DST: variants seen among roughly 807,000 people sequenced by gnomAD.
DST encodes the protein dystonin.
Under a neutral mutation model 875.2 loss-of-function variants are expected in DST, and 253 were observed. The ratio of observed to expected loss-of-function variants is 0.29; its 90% CI spans 0.26 to 0.32. The LOEUF (loss-of-function observed/expected upper bound fraction) is 0.32. Ranked by LOEUF, DST falls within the 10% of genes least tolerant of loss-of-function variation. The probability of loss-of-function intolerance (pLI) is 1.00; values close to 1 mark genes in which losing one functional copy is unlikely to be tolerated. For missense variants in DST, 8,287 were observed against 9,111.6 expected (o/e 0.91, Z 3.68); for synonymous variants, 3,124 against 3,197.1 (o/e 0.98, Z 0.77).
intron 10 of DST, among the ~76,000 whole-genome samples, chr6:56,668,667 C>A (rs1333513154): frequency 6.6e-6 from 1 of 151,990 alleles, no homozygotes; most frequent in Non-Finnish European, 1.5e-5. Flanking sequence ...ACTTGAGAGG[C>A]TGAGGCAGGA....
intron 4 of DST, among the ~76,000 whole-genome samples, chr6:56,760,252 T>C (rs975149938): frequency 5.9e-5 from 9 of 152,220 alleles, no homozygotes; most frequent in African/African-American, 1.9e-4. Context: ...GATTAAGCCA[T>C]GTTTTGGGGT....
intron 44 of DST, 55 bp from the exon 45 acceptor site, chr6:56,600,276 A>T: frequency 6.6e-7 from 1 of 1,519,450 alleles, no homozygotes; most frequent in Non-Finnish European, 9.0e-7. Flanking sequence ...CAAAATCGCT[A>T]TTGTGATAGC....
intron 10 of DST, among the ~76,000 whole-genome samples, chr6:56,670,135 T>TGC (rs1233353332): frequency 2.1e-5 from 1 of 48,492 alleles, no homozygotes; most frequent in African/African-American, 5.1e-5. Flanking sequence ...CGCCCGTGCG[T>TGC]GTGTGTGTGT....
intron 66 of DST, among the ~76,000 whole-genome samples, 187 bp from the exon 67 acceptor site, chr6:56,529,112 A>G (rs568342466): frequency 9.5e-4 from 145 of 152,348 alleles, no homozygotes; most frequent in Non-Finnish European, 1.9e-3. Flanking sequence ...CCCATGTCCC[A>G]TGTTCATCTA....
At position 56,474,151 on chromosome 6, in the gene DST, C is replaced by G. The variant is rs2095047952; in HGVS notation, c.21865-149G>C. 4 of 688,238 alleles carry G rather than the reference C, an allele frequency of 5.8e-6. No homozygotes were observed. In the South Asian group the frequency reaches 8.2e-5, roughly 14 times the overall value. 42.6% of individuals were successfully genotyped at this position (688,238 alleles called of 1,614,324 possible). ...GCTTTATCTTTAGGGTAAAAAAAAT[C>G]TAAACCATCATACTGCAGGCATTTA... is the stretch of plus-strand genomic sequence containing the variant. On this transcript the variant is annotated intron_variant, in intron 92 of 103. Transcript: ENST00000680361.
chr6:56,843,505 G>A, intron 4 of DST: 1 of 986,440 alleles, frequency 1.0e-6, no homozygotes, highest in African/African-American at 1.7e-5. Context: ...GGGGGCCGGC[G>A]GGCGCCCGGA....
intron 49 of DST, among the ~76,000 whole-genome samples, chr6:56,581,052 A>T (rs906231127): frequency 7.1e-3 from 126 of 17,764 alleles, no homozygotes; most frequent in African/African-American, 0.016. Context: ...GGCATTTATT[A>T]AAAAAAAAAA....
Position 56,780,688 on chromosome 6 carries a change from C to G in DST, c.626-45399G>C, listed in dbSNP as rs555471488. Among the ~76,000 whole-genome samples, 8 of 151,334 alleles carry G rather than the reference C, an allele frequency of 5.3e-5. No homozygotes were observed. In the South Asian group the frequency reaches 1.5e-3, roughly 28 times the overall value. ...CCATTTTGTAGGTTGCCTGTTCACT[C>G]TGATGGTAGTTTCTTTTGCTGTGCA... On this transcript the variant is annotated intron_variant, in intron 4 of 103. Transcript: ENST00000680361.
intron 5 of DST, among the ~76,000 whole-genome samples, chr6:56,731,450 A>T (rs2099498061): frequency 6.6e-6 from 1 of 152,198 alleles, no homozygotes; most frequent in Non-Finnish European, 1.5e-5. Flanking sequence ...TTTGTTAAAT[A>T]CTGATATTGT....
intron 60 of DST, among the ~76,000 whole-genome samples, chr6:56,555,049 A>G (rs1181739192): frequency 1.3e-5 from 2 of 152,242 alleles, no homozygotes; most frequent in Admixed American, 1.3e-4. Context: ...TAAGACTTTC[A>G]TACAGCAAAA....
In DST at chr6:56,609,061, A is replaced by G. The variant is rs1350459847; in HGVS notation, c.5567T>C (p.Leu1856Pro). 6.2e-7 allele frequency: 1 copy of G among 1,613,764 alleles called. No individual in the cohort carries two copies. The highest frequency in any genetic ancestry group is 8.5e-7 in the Non-Finnish European group (1 of 1,179,812). ...SAASPTTIPV[L>P]DALAQSMITE... ...TATCATGCTTTGAGCTAGAGCATCC[A>G]GTACTGGAATTGTGGTAGGTGACGC... Residue 1856 changes from leucine to proline, a missense_variant, in exon 40 of 104, where the codon CTG becomes CCG. Transcript: ENST00000680361.
At chr6:56,781,847 T>C (rs1407718684) in intron 4 of DST, among the ~76,000 whole-genome samples, 3 of 152,288 alleles carry the variant, frequency 2.0e-5, no homozygotes, top group East Asian at 1.9e-4. Context: ...CAGTATGATA[T>C]TGGCTGTGGG....
At chr6:56,617,507 T>G in intron 36 of DST, 1 of 1,221,716 alleles carries the variant, frequency 8.2e-7, no homozygotes, top group Non-Finnish European at 1.2e-6. Context: ...ATTCTTTGAA[T>G]TACAAAGACA....
chr6:56,872,676 G>C (rs1442770538), intron 3 of DST, among the ~76,000 whole-genome samples: 1 of 152,136 alleles, frequency 6.6e-6, no homozygotes, highest in Admixed American at 6.5e-5. Context: ...TGGAAAAAGA[G>C]ACCATATCAT....
intron 22 of DST, among the ~76,000 whole-genome samples, chr6:56,638,487 G>A: frequency 1.3e-5 from 2 of 152,112 alleles, no homozygotes; most frequent in East Asian, 3.8e-4. Context: ...TGAGTTTGAA[G>A]CATGACAACT....
chr6:56,695,321 A>G (rs2099257756), intron 9 of DST, among the ~76,000 whole-genome samples: 1 of 152,032 alleles, frequency 6.6e-6, no homozygotes, highest in Non-Finnish European at 1.5e-5. Context: ...CTGCAGAACC[A>G]TGATGATCCA....
intron 69 of DST, among the ~76,000 whole-genome samples, chr6:56,520,496 T>C (rs2096675504): frequency 6.6e-6 from 1 of 152,078 alleles, no homozygotes; most frequent in South Asian, 2.1e-4. Context: ...TCAATGTCAA[T>C]ATGCTGCTTG....
rs758665411 is a variant in DST, at chr6:56,620,387, C to G, written c.4929+4143G>C. ...GGCCTCTATGGTGAGCTGCCTCACC[C>G]GCTCCAGTTCTCTTTCAGCGGCTTC... On this transcript the variant is annotated intron_variant, in intron 36 of 103. Coordinates refer to ENST00000680361, the MANE Select transcript of DST (RefSeq NM_001374736.1). The G allele has an allele frequency of 2.5e-6, 4 of 1,614,126 alleles. No homozygotes were observed. In the African/African-American group the frequency reaches 5.3e-5, roughly 22 times the overall value.
intron 60 of DST, 119 bp downstream of exon 60, chr6:56,555,226 G>T: frequency 2.7e-6 from 3 of 1,102,956 alleles, no homozygotes; most frequent in Non-Finnish European, 3.8e-6. Flanking sequence ...CCTCTTCACT[G>T]ATGTTAACAG....
Sources: allele counts gnomAD v4.1 joint callset (sites outside exome capture counted in the v4.1 genomes callset), GRCh38; gene constraint gnomAD v4.1.1; transcripts MANE v1.5; gene names NCBI Gene and HGNC (gene_info 2026-07-23, HGNC 2026-07-21).